The following DENND5B variants were observed in gnomAD, a reference collection of about 807,000 sequenced individuals.
DENND5B encodes DENN domain-containing protein 5B.
In DENND5B, 34 loss-of-function variants were observed where a neutral mutation model predicts 140.6. The observed-to-expected ratio is 0.24, with a 90% CI of 0.18 to 0.32. DENND5B has a LOEUF of 0.32. Ranked by LOEUF, DENND5B falls within the 10% of genes least tolerant of loss-of-function variation. The pLI is 1.00. For synonymous variants in DENND5B, 551 were observed against 562.1 expected, an observed-to-expected ratio of 0.98 and a Z score of 0.28; for missense variants, 1,142 against 1,560.2, an observed-to-expected ratio of 0.73 and a Z score of 4.52.
rs530279189 is a variant in DENND5B, at chr12:31,472,581, G to A, written c.904+7008C>T. Among the ~76,000 whole-genome samples, 13 of 152,054 alleles carry A rather than the reference G, an allele frequency of 8.5e-5. No individual in the cohort carries two copies. In the East Asian group the frequency reaches 1.6e-3, roughly 18 times the overall value. On this transcript the variant is annotated intron_variant, in intron 3 of 20. Coordinates refer to ENST00000389082, the MANE Select transcript of DENND5B (RefSeq NM_144973.4). ...CATTGGGATTACAGACATGAGCCAC[G>A]GCACCCAGCCTGAAATGAAAGTCTT... is the stretch of plus-strand genomic sequence containing the variant.
At chr12:31,487,656 T>C (rs781329413) in intron 2 of DENND5B, among the ~76,000 whole-genome samples, 6 of 152,046 alleles carry the variant, frequency 3.9e-5, no homozygotes, top group Non-Finnish European at 2.9e-5. Flanking sequence ...GAGCCAAGAC[T>C]GCACCACTGC....
Position 31,383,616 on chromosome 12 carries a change from C to T in DENND5B, c.*3987G>A, listed in dbSNP as rs1050244221. The T allele has an allele frequency of 2.0e-5, 3 of 152,106 alleles. No individual in the cohort carries two copies. Among genetic ancestry groups the T allele is most frequent in the East Asian group, 1.9e-4 (1 of 5,198 alleles). The allele number at this position is 152,106 out of a possible 1,614,324, so 9.4% of individuals were successfully genotyped here. A position where few individuals can be genotyped will look rare whatever the true frequency, so the allele number is the denominator to read the frequency against. ...AGTTTCTCATATCAAATTCTCATTC[C>T]CAGTGGAAAACAAGGTGGGGAGGGT... On this transcript the variant is annotated 3_prime_UTR_variant, in exon 21 of 21. Transcript: ENST00000389082.
intron 11 of DENND5B, among the ~76,000 whole-genome samples, chr12:31,421,592 C>T (rs867095149): frequency 3.9e-5 from 6 of 152,154 alleles, no homozygotes; most frequent in Non-Finnish European, 4.4e-5. Context: ...CTCTGTTGCC[C>T]AGGCTGGCAT....
chr12:31,560,385 T>G (rs952943433), intron 1 of DENND5B, among the ~76,000 whole-genome samples: 8 of 152,158 alleles, frequency 5.3e-5, no homozygotes, highest in African/African-American at 1.9e-4. Flanking sequence ...GATAACAAAA[T>G]CCTATTGTTT....
intron 3 of DENND5B, chr12:31,477,934 G>T: frequency 4.4e-6 from 1 of 226,588 alleles, no homozygotes; most frequent in South Asian, 8.3e-5. Flanking sequence ...GAGCACTGGG[G>T]AATTAGTGCA....
chr12:31,389,534 G>A, intron 19 of DENND5B, 36 bp from the exon 20 acceptor site: 1 of 1,533,164 alleles, frequency 6.5e-7, no homozygotes. Flanking sequence ...CACAATATGT[G>A]TCAACACTTC....
intron 1 of DENND5B, among the ~76,000 whole-genome samples, chr12:31,523,950 T>C (rs1150952): frequency 0.078 from 11,853 of 152,210 alleles, 1,053 homozygotes; most frequent in African/African-American, 0.22. Context: ...ATCATAGCAT[T>C]CTTTCTACCA....
chr12:31,435,880 C>T (rs574819350), intron 7 of DENND5B, among the ~76,000 whole-genome samples: 3 of 152,182 alleles, frequency 2.0e-5, no homozygotes, highest in South Asian at 2.1e-4. Flanking sequence ...AGGCTGGTCT[C>T]GAACTCCTGA....
chr12:31,387,614 C>T lies in DENND5B; in HGVS notation c.3814G>A (p.Val1272Met). The T allele has an allele frequency of 6.2e-7, 1 of 1,613,384 alleles. No homozygotes were observed. The highest frequency in any genetic ancestry group is 8.5e-7 in the Non-Finnish European group (1 of 1,179,498). Residue 1272 changes from valine (V) to methionine (M), a missense_variant, in exon 21 of 21, where the codon GTG becomes ATG. By Grantham distance (21) the Val-to-Met change is conservative. Coordinates refer to ENST00000389082, the MANE Select transcript of DENND5B (RefSeq NM_144973.4). ...TCTAGCCAGTTGGGTTACACATCCA[C>T]TCCTTTGATGAGTGATCCTTCTAGG... ...IVLEGSLIKG[V>M]DV is the part of the protein sequence containing the mutation.
intron 1 of DENND5B, among the ~76,000 whole-genome samples, chr12:31,520,604 G>A (rs531698730): frequency 6.6e-6 from 1 of 152,142 alleles, no homozygotes; most frequent in Non-Finnish European, 1.5e-5. Flanking sequence ...ACAGTGGTGT[G>A]ATCTCAGCTC....
At chr12:31,402,442 C>A in intron 15 of DENND5B, 56 bp downstream of exon 15, 1 of 1,539,334 alleles carries the variant, frequency 6.5e-7, no homozygotes, top group Non-Finnish European at 8.8e-7. Context: ...CAGACAGAAT[C>A]ATCTGTAAAA....
At chr12:31,505,284 G>A (rs1947156188) in intron 1 of DENND5B, among the ~76,000 whole-genome samples, 1 of 149,316 alleles carries the variant, frequency 6.7e-6, no homozygotes, top group African/African-American at 2.5e-5. Flanking sequence ...TGTCACCCAG[G>A]CTAGAGTGTG....
chr12:31,474,004 G>C (rs185611807), intron 3 of DENND5B, among the ~76,000 whole-genome samples: 351 of 152,344 alleles, frequency 2.3e-3, no homozygotes, highest in Admixed American at 4.5e-3. Flanking sequence ...ATGGATGGCA[G>C]TTCCAAGGAG....
At chr12:31,506,698 C>T (rs1279164126) in intron 1 of DENND5B, among the ~76,000 whole-genome samples, 1 of 152,146 alleles carries the variant, frequency 6.6e-6, no homozygotes, top group African/African-American at 2.4e-5. Context: ...GCTTGCAGGA[C>T]TCAGGAAAGT....
intron 2 of DENND5B, among the ~76,000 whole-genome samples, chr12:31,489,750 A>C (rs1445219116): frequency 2.0e-5 from 2 of 102,426 alleles, no homozygotes; most frequent in African/African-American, 7.4e-5. Context: ...GGTGCTACAA[A>C]AAGGTATACA....
chr12:31,519,697 T>C (rs1947804793), intron 1 of DENND5B, among the ~76,000 whole-genome samples: 1 of 152,230 alleles, frequency 6.6e-6, no homozygotes, highest in Non-Finnish European at 1.5e-5. Context: ...TATGGTTGCT[T>C]TCTGTGTCTG....
intron 1 of DENND5B, among the ~76,000 whole-genome samples, chr12:31,562,536 C>T (rs1329512562): frequency 6.6e-6 from 1 of 151,996 alleles, no homozygotes; most frequent in Non-Finnish European, 1.5e-5. Flanking sequence ...ATCAGTTGAA[C>T]CCGGGAGGTG....
intron 14 of DENND5B, among the ~76,000 whole-genome samples, chr12:31,408,238 G>A (rs535140300): frequency 7.2e-5 from 11 of 152,226 alleles, no homozygotes; most frequent in African/African-American, 2.6e-4. Context: ...GACGGAGGTT[G>A]CAGTGAGCTG....
chr12:31,394,325 A>G (rs1035831974), intron 17 of DENND5B, among the ~76,000 whole-genome samples: 2 of 152,088 alleles, frequency 1.3e-5, no homozygotes, highest in Non-Finnish European at 2.9e-5. Context: ...GTCTTGGGTC[A>G]TTTAGACTTT....
Sources: gnomAD v4.1 joint callset for allele counts (sites outside exome capture counted in the v4.1 genomes callset) on GRCh38, gnomAD v4.1.1 for gene constraint, MANE v1.5 for transcripts, NCBI Gene and HGNC (gene_info 2026-07-23, HGNC 2026-07-21) for gene names.